The following ZFYVE26 variants were observed in gnomAD, a reference collection of about 807,000 sequenced individuals.
ZFYVE26 encodes zinc finger FYVE domain-containing protein 26.
ZFYVE26 carries 181 observed loss-of-function variants against 276.5 expected under a neutral mutation model. That is an observed-to-expected ratio of 0.65 (90% confidence interval 0.58 to 0.74). The LOEUF (loss-of-function observed/expected upper bound fraction) is 0.74, where lower values mean the gene tolerates loss of function less well. ZFYVE26 is among the 30% of genes least tolerant of loss of function. ZFYVE26 has a pLI of 0.00. For synonymous variants in ZFYVE26, 1,129 were observed against 1,203.1 expected, an observed-to-expected ratio of 0.94 and a Z score of 1.27; for missense variants, 2,821 against 3,097.9, an observed-to-expected ratio of 0.91 and a Z score of 2.12.
intron 35 of ZFYVE26, 157 bp from the exon 36 acceptor site, chr14:67,756,302 A>G: frequency 1.2e-6 from 1 of 813,374 alleles, no homozygotes; most frequent in Non-Finnish European, 2.1e-6. Flanking sequence ...TGAGAATCTC[A>G]TTCTAGCGAC....
chr14:67,800,116 T>C (rs1346605545), intron 10 of ZFYVE26, among the ~76,000 whole-genome samples: 1 of 152,254 alleles, frequency 6.6e-6, no homozygotes, highest in Non-Finnish European at 1.5e-5. Flanking sequence ...TGTACAGGTA[T>C]TAAATTACTT....
chr14:67,750,185 G>A (rs1025713729), intron 41 of ZFYVE26, among the ~76,000 whole-genome samples: 1 of 152,164 alleles, frequency 6.6e-6, no homozygotes, highest in Non-Finnish European at 1.5e-5. Flanking sequence ...CAGGATGTCA[G>A]AATTTCATCC....
intron 33 of ZFYVE26, 70 bp from the exon 34 acceptor site, chr14:67,762,482 C>A: frequency 6.4e-7 from 1 of 1,556,336 alleles, no homozygotes; most frequent in South Asian, 1.2e-5. Flanking sequence ...AAGACCTATT[C>A]TATTCCCAAG....
intron 5 of ZFYVE26, 126 bp from the exon 6 acceptor site, chr14:67,806,801 T>C (rs1420433862): frequency 8.8e-7 from 1 of 1,136,394 alleles, no homozygotes; most frequent in Non-Finnish European, 1.3e-6. Flanking sequence ...TTTTCCATAC[T>C]TTATCTTAGG....
At chr14:67,796,538 G>C (rs1337916407) in intron 12 of ZFYVE26, 4 of 152,130 alleles carry the variant, frequency 2.6e-5, no homozygotes, top group Non-Finnish European at 5.9e-5. Flanking sequence ...ACAACACAAA[G>C]AAATGACAAA....
intron 21 of ZFYVE26, among the ~76,000 whole-genome samples, chr14:67,782,143 C>G (rs1489132393): frequency 6.6e-6 from 1 of 152,230 alleles, no homozygotes; most frequent in Non-Finnish European, 1.5e-5. Flanking sequence ...AAAAGTCATT[C>G]CCTACATCAC....
intron 34 of ZFYVE26, chr14:67,761,922 T>G: frequency 1.8e-6 from 1 of 557,284 alleles, no homozygotes; most frequent in Admixed American, 3.1e-5. Context: ...TCACCAGAAT[T>G]TTAACACTAA....
rs770993666 is a variant in ZFYVE26 at position 67,772,144 on chromosome 14, T to G, written c.5387A>C (p.Glu1796Ala). 7 of 1,613,106 alleles carry G rather than the reference T, an allele frequency of 4.3e-6. No individual in the cohort carries two copies. In the Admixed American group the frequency reaches 1.0e-4, roughly 23 times the overall value. Reference sequence around the variant, plus strand: ...AGGGGGTGTCGCTGGGGGCACAAATTCCTGTGAGGGCTGGGTTGGTGGGAA... The same window carrying G: ...AGGGGGTGTCGCTGGGGGCACAAATGCCTGTGAGGGCTGGGTTGGTGGGAA... ...RSFPPTQPSQEFVPPATPPAR... is the reference protein window; with the variant it reads ...RSFPPTQPSQAFVPPATPPAR... The change falls in exon 28 of 42, where the codon GAA becomes GCA. Residue 1796 changes from glutamate to alanine, a missense_variant. Glu to Ala is a moderately radical substitution (Grantham distance 107). Coordinates refer to ENST00000347230, the MANE Select transcript of ZFYVE26 (RefSeq NM_015346.4).
intron 12 of ZFYVE26, 70 bp downstream of exon 12, chr14:67,797,602 T>G: frequency 6.6e-7 from 1 of 1,525,502 alleles, no homozygotes. Context: ...ATGTGCTGTT[T>G]CTTAAAGAGT....
chr14:67,785,369 C>T, intron 18 of ZFYVE26, 92 bp from the exon 19 acceptor site: 1 of 1,161,956 alleles, frequency 8.6e-7, no homozygotes, highest in South Asian at 1.3e-5. Flanking sequence ...AACTGTGCCC[C>T]CTATACACTG....
At chr14:67,772,571 A>C (rs1184982204) in intron 27 of ZFYVE26, among the ~76,000 whole-genome samples, 1 of 152,194 alleles carries the variant, frequency 6.6e-6, no homozygotes, top group Admixed American at 6.5e-5. Context: ...ACAAATGACT[A>C]GACTCCTCCA....
chr14:67,757,464 C>T lies in ZFYVE26; in HGVS notation c.6589-1319G>A, dbSNP rs571910279. Among the ~76,000 whole-genome samples the T allele has an allele frequency of 3.6e-4, 55 of 152,308 alleles. No homozygotes were observed. The South Asian group carries it at 8.9e-3, about 25-fold the overall frequency. On this transcript the variant is annotated intron_variant, in intron 35 of 41. Transcript: ENST00000347230. ...CCATAGATCTGCATGATTTGCTCCT[C>T]GTGTTCTTTGGAGCTTTACTCAGAT...
rs550301037 is a variant in ZFYVE26, at chr14:67,748,439, C to T, written c.7617G>A (p.Lys2539=). The change falls in exon 42 of 42, where the codon AAG becomes AAA. Residue 2539 remains lysine (K), a synonymous_variant. Transcript: ENST00000347230. ...PRGAHGPGSR[K] Reference sequence around the variant, plus strand: ...TTCCTGGCCCCACTGCCCAAGGTCACTTCCTGGAGCCTGGGCCATGGGCAC... The same window carrying T: ...TTCCTGGCCCCACTGCCCAAGGTCATTTCCTGGAGCCTGGGCCATGGGCAC... 255 of 1,612,066 alleles carry T rather than the reference C, an allele frequency of 1.6e-4. 6 individuals are homozygous for T. In the South Asian group the frequency reaches 2.7e-3, roughly 17 times the overall value.
chr14:67,808,569 G>T (rs545261364), intron 4 of ZFYVE26, among the ~76,000 whole-genome samples: 1 of 152,076 alleles, frequency 6.6e-6, no homozygotes, highest in East Asian at 1.9e-4. Flanking sequence ...GGGAGAGAAG[G>T]GGGTGAGAAG....
intron 3 of ZFYVE26, among the ~76,000 whole-genome samples, chr14:67,812,893 A>T (rs997603207): frequency 1.3e-5 from 2 of 152,206 alleles, no homozygotes; most frequent in Non-Finnish European, 2.9e-5. Context: ...TCTCTTTTAA[A>T]TCTGAAACCA....
intron 35 of ZFYVE26, among the ~76,000 whole-genome samples, chr14:67,757,694 C>CTTT (rs1846003067): frequency 7.5e-6 from 1 of 132,594 alleles, no homozygotes; most frequent in East Asian, 2.5e-4. Flanking sequence ...CTCTCTCTTT[C>CTTT]CTTTCTTTCT....
chr14:67,806,550 T>G lies in ZFYVE26; in HGVS notation c.1012A>C (p.Ile338Leu). 6.2e-7 allele frequency: 1 copy of G among 1,614,210 alleles called. No individual in the cohort carries two copies. The highest frequency in any genetic ancestry group is 8.5e-7 in the Non-Finnish European group (1 of 1,180,006). ...LSNNKHFLEQ[I>L]LVTALTLLKE... ...AACAATTAAGCTTGACTTACCAGAA[T>G]CTGCTCGAGGAAGTGTTTGTTGTTG... Residue 338 changes from isoleucine (I) to leucine (L), a missense_variant, in exon 6 of 42, where the codon ATT becomes CTT. By Grantham distance (5) the Ile-to-Leu change is conservative. Coordinates refer to ENST00000347230, the MANE Select transcript of ZFYVE26 (RefSeq NM_015346.4).
intron 13 of ZFYVE26, among the ~76,000 whole-genome samples, chr14:67,741,040 C>T (rs969997627): frequency 6.6e-6 from 1 of 152,156 alleles, no homozygotes; most frequent in Non-Finnish European, 1.5e-5. Flanking sequence ...AAATGATACC[C>T]GTTTTAATGC....
Position 67,815,888 on chromosome 14 carries a change from T to G in ZFYVE26, c.76A>C (p.Arg26=), listed in dbSNP as rs2140260952. The change falls in exon 2 of 42, where the codon AGG becomes CGG. Residue 26 remains arginine (R), a synonymous_variant. Coordinates refer to ENST00000347230, the MANE Select transcript of ZFYVE26 (RefSeq NM_015346.4). ...GCCTGTGCCAGCTCCCATTCTCCCC[T>G]CCGCAGGCATTCGCAGAAAAATCCA... is the stretch of plus-strand genomic sequence containing the variant. ...LFGFFCECLR[R]GEWELAQACV... 1 of 1,613,998 alleles carries G rather than the reference T, an allele frequency of 6.2e-7. No individual in the cohort carries two copies.
Sources: gnomAD v4.1 joint callset for allele counts (sites outside exome capture counted in the v4.1 genomes callset) on GRCh38, gnomAD v4.1.1 for gene constraint, MANE v1.5 for transcripts, NCBI Gene and HGNC (gene_info 2026-07-23, HGNC 2026-07-21) for gene names.